The following AFAP1 variants were observed in gnomAD, a reference collection of about 807,000 sequenced individuals.
The protein encoded by AFAP1 is actin filament associated protein 1, also known as actin filament-associated protein 1.
A neutral mutation model predicts 93.9 loss-of-function variants in AFAP1; 75 were observed. That is an observed-to-expected ratio of 0.80 (90% CI 0.66 to 0.97). AFAP1 has a LOEUF of 0.97. Ranked by LOEUF, AFAP1 falls within the 50% of genes least tolerant of loss-of-function variation. The pLI, the probability that AFAP1 is intolerant of heterozygous loss-of-function variation, is 0.00. For missense variants in AFAP1, 1,201 were observed against 1,050.8 expected (o/e 1.14, Z -1.98); for synonymous variants, 517 against 430.7 (o/e 1.20, Z -2.48).
chr4:7,824,150 T>G (rs1560181872), intron 6 of AFAP1, among the ~76,000 whole-genome samples: 1 of 152,214 alleles, frequency 6.6e-6, no homozygotes, highest in Non-Finnish European at 1.5e-5. Flanking sequence ...TAAATGAGGC[T>G]TCTATTAATA....
chr4:7,775,018 A>C, intron 14 of AFAP1, 115 bp from the exon 15 acceptor site: 1 of 1,259,154 alleles, frequency 7.9e-7, no homozygotes, highest in Non-Finnish European at 1.1e-6. Flanking sequence ...GCACATGCCT[A>C]TAGTCCCAGC....
At chr4:7,890,244 C>T (rs1025405750) in intron 1 of AFAP1, among the ~76,000 whole-genome samples, 4 of 152,272 alleles carry the variant, frequency 2.6e-5, no homozygotes, top group African/African-American at 9.6e-5. Context: ...GGTCAACTGA[C>T]TTTTGACAAA....
chr4:7,799,098 G>A (rs1718772533), intron 10 of AFAP1: 1 of 985,680 alleles, frequency 1.0e-6, no homozygotes, highest in East Asian at 1.1e-4. Context: ...CAGCATTCGT[G>A]TTTTACGGTG....
At chr4:7,934,745 A>C (rs2149247788) in intron 1 of AFAP1, among the ~76,000 whole-genome samples, 1 of 152,226 alleles carries the variant, frequency 6.6e-6, no homozygotes, top group African/African-American at 2.4e-5. Flanking sequence ...CAAATGTCAA[A>C]ATGTGATGCT....
intron 1 of AFAP1, among the ~76,000 whole-genome samples, chr4:7,878,633 T>A (rs28558196): frequency 0.32 from 48,703 of 152,062 alleles, 9,258 homozygotes; most frequent in Non-Finnish European, 0.44. Flanking sequence ...TTAATAGAAA[T>A]CTCCAGCTAC....
At chr4:7,887,369 C>T (rs7663205) in intron 1 of AFAP1, among the ~76,000 whole-genome samples, 67,547 of 152,022 alleles carry the variant, frequency 0.44, 17,219 homozygotes, top group Non-Finnish European at 0.6. Context: ...ACAAGCAGTA[C>T]GCAAATAAAT....
chr4:7,905,195 C>T (rs1253461372), intron 1 of AFAP1, among the ~76,000 whole-genome samples: 1 of 152,192 alleles, frequency 6.6e-6, no homozygotes, highest in African/African-American at 2.4e-5. Flanking sequence ...GAGCAAGATG[C>T]ATACATGTGT....
chr4:7,806,449 T>C (rs1318484378), intron 9 of AFAP1, among the ~76,000 whole-genome samples: 3 of 152,088 alleles, frequency 2.0e-5, no homozygotes, highest in Non-Finnish European at 4.4e-5. Context: ...GGCTGGCATT[T>C]GAACTCCGCT....
At position 7,818,030 on chromosome 4, in the gene AFAP1, A is replaced by T. The variant is rs536947181; in HGVS notation, c.822+1046T>A. On this transcript the variant is annotated intron_variant, in intron 7 of 17. Coordinates refer to ENST00000420658, the MANE Select transcript of AFAP1 (RefSeq NM_001134647.2). Reference sequence around the variant, plus strand: ...TTACGGTATGAGGATGAGGACTGTGATGTTTAATTTCACGTGTCAATGTGG... The same window carrying T: ...TTACGGTATGAGGATGAGGACTGTGTTGTTTAATTTCACGTGTCAATGTGG... 1.2e-4 allele frequency among the ~76,000 whole-genome samples: 19 copies of T among 152,298 alleles called. 1 individual carries two copies. In the South Asian group the frequency reaches 3.9e-3, roughly 32 times the overall value.
At chr4:7,906,625 T>G (rs1226072249) in intron 1 of AFAP1, among the ~76,000 whole-genome samples, 11 of 152,166 alleles carry the variant, frequency 7.2e-5, no homozygotes, top group Admixed American at 5.9e-4. Flanking sequence ...ACTACAGCTT[T>G]TTCAGATGGG....
intron 1 of AFAP1, among the ~76,000 whole-genome samples, chr4:7,916,612 GC>G (rs1278805874): frequency 6.7e-6 from 1 of 149,786 alleles, no homozygotes; most frequent in Admixed American, 6.6e-5. Context: ...TCCCCCTCCT[GC>G]AGGAGTGGGA....
At chr4:7,764,120 GA>G (rs1714209513) in intron 17 of AFAP1, among the ~76,000 whole-genome samples, 1 of 152,258 alleles carries the variant, frequency 6.6e-6, no homozygotes, top group Non-Finnish European at 1.5e-5. Context: ...CCTGAAAAAG[GA>G]AGGGCCTTCT....
intron 14 of AFAP1, chr4:7,776,393 T>C (rs1180391352): frequency 6.6e-6 from 1 of 152,056 alleles, no homozygotes. Context: ...TGTATGTGTG[T>C]GTGCGTGCGT....
chr4:7,773,001 G>C lies in AFAP1; in HGVS notation c.2072C>G (p.Pro691Arg), dbSNP rs534092735. The change falls in exon 16 of 18, where the codon CCG (proline) becomes CGG (arginine). Residue 691 changes from proline (P) to arginine (R), a missense_variant. By Grantham distance (103) the Pro-to-Arg change is moderately radical (BLOSUM62 -2). Coordinates refer to ENST00000420658, the MANE Select transcript of AFAP1 (RefSeq NM_001134647.2). ...AAIEVNAGRKPQAILEEKLKQ... is the reference protein window; with the variant it reads ...AAIEVNAGRKRQAILEEKLKQ... ...CAGCTTCTCCTCCAGGATCGCCTGC[G>C]GCTTCCTGCCTGGAATTCCCAGAAA... is the stretch of plus-strand genomic sequence containing the variant. 2 of 1,609,174 alleles carry C rather than the reference G, an allele frequency of 1.2e-6. No individual in the cohort carries two copies. Among genetic ancestry groups the C allele is most frequent in the Admixed American group, 1.7e-5 (1 of 59,974 alleles).
chr4:7,829,998 T>A (rs1185804413), intron 6 of AFAP1, among the ~76,000 whole-genome samples: 1 of 152,328 alleles, frequency 6.6e-6, no homozygotes, highest in East Asian at 1.9e-4. Flanking sequence ...ACTATCTTTT[T>A]GAAGTATGGT....
intron 1 of AFAP1, among the ~76,000 whole-genome samples, chr4:7,887,410 C>G (rs566286113): frequency 6.6e-6 from 1 of 152,164 alleles, no homozygotes; most frequent in Non-Finnish European, 1.5e-5. Flanking sequence ...ATGGGTGTTA[C>G]AGGAAAATGC....
At chr4:7,928,731 A>G (rs971042629) in intron 1 of AFAP1, among the ~76,000 whole-genome samples, 1 of 152,240 alleles carries the variant, frequency 6.6e-6, no homozygotes, top group Non-Finnish European at 1.5e-5. Flanking sequence ...ATTACTATCA[A>G]TAATGTCAAT....
intron 6 of AFAP1, among the ~76,000 whole-genome samples, chr4:7,821,863 A>G (rs1190270082): frequency 6.6e-6 from 1 of 152,218 alleles, no homozygotes; most frequent in Non-Finnish European, 1.5e-5. Context: ...ATGAAAAAAC[A>G]ACAGAGTGAT....
At chr4:7,857,119 T>C (rs1023283923) in intron 3 of AFAP1, among the ~76,000 whole-genome samples, 1 of 152,154 alleles carries the variant, frequency 6.6e-6, no homozygotes, top group Admixed American at 6.6e-5. Context: ...CTAGATTCTG[T>C]AAACAACCTG....
Sources: allele counts gnomAD v4.1 joint callset (sites outside exome capture counted in the v4.1 genomes callset), GRCh38; gene constraint gnomAD v4.1.1; transcripts MANE v1.5; gene names NCBI Gene and HGNC (gene_info 2026-07-23, HGNC 2026-07-21).